Variants in PCDHGA9 observed in about 807,000 individuals in gnomAD.
PCDHGA9 encodes protocadherin gamma-A9.
PCDHGA9 carries 37 observed loss-of-function variants against 62.5 expected under a neutral mutation model. That is an observed-to-expected ratio of 0.59 (90% CI 0.46 to 0.78). The LOEUF (loss-of-function observed/expected upper bound fraction) is 0.78, where lower values mean the gene tolerates loss of function less well. Among genes scored for constraint, PCDHGA9 ranks in the 30% least tolerant of loss-of-function variants. PCDHGA9 has a pLI of 0.00. For synonymous variants in PCDHGA9, 459 were observed against 484.6 expected (o/e 0.95, Z 0.69); for missense variants, 1,138 against 1,166.2 (o/e 0.98, Z 0.35).
rs1311532081 is a variant in PCDHGA9 at position 141,403,875 on chromosome 5, A to G, written c.923A>G (p.Asp308Gly). The G allele has an allele frequency of 6.2e-7, 1 of 1,613,816 alleles. No homozygotes were observed. Among genetic ancestry groups the G allele is most frequent in the South Asian group, 1.1e-5 (1 of 91,082 alleles). ...GAAATATCAACAGCAAAAAGTCTAG[A>G]TTATGAAGAATGTTCATTTTATGAA... Reference protein sequence around the residue: ...TGEISTAKSLDYEECSFYEME... With the variant: ...TGEISTAKSLGYEECSFYEME... The change falls in exon 1 of 4, where the codon GAT (aspartate) becomes GGT (glycine). Residue 308 changes from aspartate (D) to glycine (G), a missense_variant. Coordinates refer to ENST00000573521, the MANE Select transcript of PCDHGA9 (RefSeq NM_018921.3).
chr5:141,427,914 A>G (rs757621783), intron 1 of PCDHGA9: 123 of 1,576,802 alleles, frequency 7.8e-5, no homozygotes, highest in Non-Finnish European at 7.6e-5. Context: ...CAGCGCCAAC[A>G]TGAGCCGGCG....
chr5:141,403,204 G>C lies in PCDHGA9; in HGVS notation c.252G>C (p.Leu84Phe). The change falls in exon 1 of 4, where the codon TTG becomes TTC. Residue 84 changes from leucine (L) to phenylalanine (F), a missense_variant. Coordinates refer to ENST00000573521, the MANE Select transcript of PCDHGA9 (RefSeq NM_018921.3). The part of the protein sequence containing the change: ...LFSLNPRSGT[L>F]VTAGRIDREE... ...CTCTGAACCCGCGCAGCGGCACCTTGGTCACCGCGGGTAGGATAGACCGGG... is the reference window on the plus strand; with the variant it reads ...CTCTGAACCCGCGCAGCGGCACCTTCGTCACCGCGGGTAGGATAGACCGGG... The C allele has an allele frequency of 1.9e-6, 3 of 1,613,952 alleles. No individual in the cohort carries two copies. Among genetic ancestry groups the C allele is most frequent in the Non-Finnish European group, 2.5e-6 (3 of 1,179,906 alleles).
intron 1 of PCDHGA9, among the ~76,000 whole-genome samples, chr5:141,480,895 A>G (rs1275670492): frequency 6.6e-6 from 1 of 152,048 alleles, no homozygotes; most frequent in African/African-American, 2.4e-5. Flanking sequence ...AAATGCAAAC[A>G]TTAGCTGGGC....
chr5:141,421,885 G>T, intron 1 of PCDHGA9: 1 of 1,613,692 alleles, frequency 6.2e-7, no homozygotes, highest in Non-Finnish European at 8.5e-7. Context: ...AGATGGAGGC[G>T]ATCCCATCCG....
intron 1 of PCDHGA9, chr5:141,418,379 C>T: frequency 6.2e-7 from 1 of 1,613,966 alleles, no homozygotes; most frequent in Non-Finnish European, 8.5e-7. Flanking sequence ...CCAACTAAGT[C>T]CTAACGAGTA....
intron 1 of PCDHGA9, among the ~76,000 whole-genome samples, chr5:141,488,497 C>CA (rs1415483796): frequency 4.6e-5 from 7 of 152,204 alleles, no homozygotes; most frequent in African/African-American, 1.7e-4. Flanking sequence ...CTGTAACACT[C>CA]ATTCCACATT....
intron 1 of PCDHGA9, among the ~76,000 whole-genome samples, chr5:141,484,107 A>C (rs13361997): frequency 0.24 from 37,195 of 152,070 alleles, 6,332 homozygotes; most frequent in African/African-American, 0.48. Context: ...TAATTAACAA[A>C]AGATCAAGAA....
Position 141,491,274 on chromosome 5 carries a change from T to C in PCDHGA9, c.2425-3533T>C, listed in dbSNP as rs2099710140. On this transcript the variant is annotated intron_variant, in intron 1 of 3. Transcript: ENST00000573521. The surrounding 1 kb of genome is among the most constrained non-coding windows in gnomAD (Gnocchi z 6.9). ...ACCCTGAGGAAATGCCCAAATCCAG[T>C]GACTTCCTCATACACCCTCCTGAGC... The C allele has an allele frequency of 6.2e-7, 1 of 1,614,102 alleles. No individual in the cohort carries two copies. Among genetic ancestry groups the C allele is most frequent in the Non-Finnish European group, 8.5e-7 (1 of 1,179,914 alleles).
In PCDHGA9 at chr5:141,431,932, C is replaced by A; in HGVS notation, c.2424+26556C>A. 1 of 1,614,172 alleles carries A rather than the reference C, an allele frequency of 6.2e-7. No homozygotes were observed. Among genetic ancestry groups the A allele is most frequent in the Non-Finnish European group, 8.5e-7 (1 of 1,180,002 alleles). The stretch of plus-strand genomic sequence containing the variant: ...TCTGTTTCATCCAAGGAAATCTGCC[C>A]TTTAAATTAGAAAAATCTTACGGAA... On this transcript the variant is annotated intron_variant, in intron 1 of 3. Transcript: ENST00000573521. The surrounding 1 kb of genome is among the most constrained non-coding windows in gnomAD (Gnocchi z 4.8).
chr5:141,497,060 G>A (rs1244885752), intron 2 of PCDHGA9, among the ~76,000 whole-genome samples: 1 of 151,952 alleles, frequency 6.6e-6, no homozygotes, highest in African/African-American at 2.4e-5. Context: ...GTGGTGGCAG[G>A]CACCTGTAAT....
chr5:141,501,501 T>C (rs2099809553), intron 2 of PCDHGA9, among the ~76,000 whole-genome samples: 1 of 151,938 alleles, frequency 6.6e-6, no homozygotes, highest in Non-Finnish European at 1.5e-5. Context: ...CTGCTGGGGC[T>C]CCAAGGCCTC....
At chr5:141,444,473 G>C (rs943971075) in intron 1 of PCDHGA9, among the ~76,000 whole-genome samples, 6 of 151,972 alleles carry the variant, frequency 3.9e-5, no homozygotes, top group South Asian at 2.1e-4. Flanking sequence ...GCCCGGTCGC[G>C]TACTGGATTT....
intron 3 of PCDHGA9, among the ~76,000 whole-genome samples, chr5:141,507,802 T>G (rs886950696): frequency 6.6e-6 from 1 of 152,204 alleles, no homozygotes; most frequent in African/African-American, 2.4e-5. Context: ...GCCTGCGCCC[T>G]GGGGAACGGA....
At position 141,486,368 on chromosome 5, in the gene PCDHGA9, T is replaced by C. The variant is rs1217513529; in HGVS notation, c.2425-8439T>C. 6.2e-7 allele frequency: 1 copy of C among 1,614,014 alleles called. No homozygotes were observed. Among genetic ancestry groups the C allele is most frequent in the Non-Finnish European group, 8.5e-7 (1 of 1,180,000 alleles). On this transcript the variant is annotated intron_variant, in intron 1 of 3. Coordinates refer to ENST00000573521, the MANE Select transcript of PCDHGA9 (RefSeq NM_018921.3). This position sits in a 1 kb window ranked among gnomAD's most constrained non-coding sequence, Gnocchi z 5.0. ...TGACCACTTGCCATTTGCCCTCAAGTCTGCCTTCAGGAACCAGTTCTCCCT... is the reference window on the plus strand; with the variant it reads ...TGACCACTTGCCATTTGCCCTCAAGCCTGCCTTCAGGAACCAGTTCTCCCT...
At chr5:141,421,827 C>A in intron 1 of PCDHGA9, 1 of 1,613,802 alleles carries the variant, frequency 6.2e-7, no homozygotes, top group Non-Finnish European at 8.5e-7. Flanking sequence ...TGGAGGGAAG[C>A]CTGGACCGAG....
chr5:141,491,817 G>T lies in PCDHGA9; in HGVS notation c.2425-2990G>T. On this transcript the variant is annotated intron_variant, in intron 1 of 3. Transcript: ENST00000573521. The surrounding 1 kb of genome is among the most constrained non-coding windows in gnomAD (Gnocchi z 6.9). ...TCTCCGGCCGGCTTGGTCGCTGGCT[G>T]CGCTCCACCCGATTCTCGGGATCAT... 1.3e-6 allele frequency: 2 copies of T among 1,484,188 alleles called. No homozygotes were observed. The highest frequency in any genetic ancestry group is 1.8e-6 in the Non-Finnish European group (2 of 1,117,664). 91.9% of individuals were successfully genotyped at this position (1,484,188 alleles called of 1,614,324 possible).
In PCDHGA9 at chr5:141,430,673, C is replaced by T. The variant is rs183365013; in HGVS notation, c.2424+25297C>T. 1.5e-4 allele frequency: 198 copies of T among 1,288,318 alleles called. 2 individuals are homozygous for T. In the African/African-American group the frequency reaches 2.8e-3, roughly 18 times the overall value. The allele number at this position is 1,288,318 out of a possible 1,614,324, so 79.8% of individuals were successfully genotyped here. On this transcript the variant is annotated intron_variant, in intron 1 of 3. Coordinates refer to ENST00000573521, the MANE Select transcript of PCDHGA9 (RefSeq NM_018921.3). Reference sequence around the variant, plus strand: ...AAACAACGGAGGAGCTCTGACTTCCCAACTGTCCCATTCTATGGGCGAAGG... The same window carrying T: ...AAACAACGGAGGAGCTCTGACTTCCTAACTGTCCCATTCTATGGGCGAAGG...
chr5:141,504,315 A>G (rs573050088), intron 2 of PCDHGA9, among the ~76,000 whole-genome samples: 1 of 152,248 alleles, frequency 6.6e-6, no homozygotes, highest in East Asian at 1.9e-4. Flanking sequence ...AGTTTCTAAA[A>G]GTCTCACTTA....
intron 1 of PCDHGA9, among the ~76,000 whole-genome samples, chr5:141,450,145 T>A (rs2098671113): frequency 6.6e-6 from 1 of 151,890 alleles, no homozygotes; most frequent in South Asian, 2.1e-4. Flanking sequence ...TAGCTGGGAC[T>A]ACAGGCATGT....
Sources: gnomAD v4.1 joint callset for allele counts (sites outside exome capture counted in the v4.1 genomes callset) on GRCh38, gnomAD v4.1.1 for gene constraint, Gnocchi (gnomAD v3.1) non-coding constraint, MANE v1.5 for transcripts, NCBI Gene and HGNC (gene_info 2026-07-23, HGNC 2026-07-21) for gene names.